Variants in ALS2CL observed in about 807,000 individuals in gnomAD.
The protein encoded by ALS2CL is ALS2 C-terminal like.
Under a neutral mutation model 127.9 loss-of-function variants are expected in ALS2CL, and 112 were observed. That is an observed-to-expected ratio of 0.88 (90% CI 0.75 to 1.02). The LOEUF is 1.02. Among genes scored for constraint, ALS2CL ranks in the 50% least tolerant of loss-of-function variants. ALS2CL has a pLI of 0.00. For synonymous variants in ALS2CL, 519 were observed against 527.6 expected (o/e 0.98, Z 0.22); for missense variants, 1,174 against 1,236.7 (o/e 0.95, Z 0.76).
intron 15 of ALS2CL, 131 bp downstream of exon 15, chr3:46,679,079 C>T: frequency 3.3e-6 from 3 of 901,068 alleles, no homozygotes; most frequent in South Asian, 1.8e-5. Context: ...TTGCTGTGCC[C>T]ACTCCTTGGC....
At position 46,681,720 on chromosome 3, in the gene ALS2CL, A is replaced by G. The variant is rs1349965397; in HGVS notation, c.1176-122T>C. Reference sequence around the variant, plus strand: ...CCTTCCAGACAACAGGGAGACTCTCAGAGGCCCTCAGCCTTCCTATCCTTC... The same window carrying G: ...CCTTCCAGACAACAGGGAGACTCTCGGAGGCCCTCAGCCTTCCTATCCTTC... On this transcript the variant is annotated intron_variant, in intron 11 of 25. Transcript: ENST00000318962. The surrounding 1 kb of genome is among the most constrained non-coding windows in gnomAD (Gnocchi z 4.9). The G allele has an allele frequency of 1.0e-6, 1 of 988,178 alleles. No homozygotes were observed. Among genetic ancestry groups the G allele is most frequent in the East Asian group, 2.5e-5 (1 of 40,116 alleles). 61.2% of individuals were successfully genotyped at this position (988,178 alleles called of 1,614,324 possible).
In ALS2CL at chr3:46,670,219, G is replaced by A. The variant is rs1698283011; in HGVS notation, c.*765C>T. 6.6e-6 allele frequency: 1 copy of A among 152,212 alleles called. No individual in the cohort carries two copies. Among genetic ancestry groups the A allele is most frequent in the Non-Finnish European group, 1.5e-5 (1 of 68,074 alleles). 9.4% of individuals were successfully genotyped at this position (152,212 alleles called of 1,614,324 possible). On this transcript the variant is annotated 3_prime_UTR_variant, in exon 26 of 26. Transcript: ENST00000318962. This position sits in a 1 kb window ranked among gnomAD's most constrained non-coding sequence, Gnocchi z 5.5. ...CTCTTGGTCCCACACTAGAACCACT[G>A]TTTAAATAAAGTCCTCCCCTCCCAA... is the stretch of plus-strand genomic sequence containing the variant.
At chr3:46,675,902 TA>T in intron 19 of ALS2CL, 1 of 1,433,362 alleles carries the variant, frequency 7.0e-7, no homozygotes, top group Non-Finnish European at 9.1e-7. Context: ...CTAAGGCTTC[TA>T]TTTGCAGTGT....
intron 24 of ALS2CL, 106 bp from the exon 25 acceptor site, chr3:46,671,690 G>T: frequency 6.3e-7 from 1 of 1,579,084 alleles, no homozygotes; most frequent in African/African-American, 1.4e-5. Context: ...TGGACACCTG[G>T]GGTGTGGTCC....
In ALS2CL at chr3:46,681,587, C is replaced by A. The variant is rs751060821; in HGVS notation, c.1187G>T (p.Arg396Leu). The part of the protein sequence containing the change: ...CQGLEHGFGI[R>L]LLPQASEDKF... ...GTCCTCAGAGGCCTGGGGCAGCAGG[C>A]GGATGCCGAAGCTGACAGCATGGTT... The change falls in exon 12 of 26, where the codon CGC (arginine) becomes CTC (leucine). Residue 396 changes from arginine (R) to leucine (L), a missense_variant. Physicochemically the swap from Arg to Leu is moderately radical, Grantham distance 102. Transcript: ENST00000318962. This position sits in a 1 kb window ranked among gnomAD's most constrained non-coding sequence, Gnocchi z 4.9. 9 of 1,613,960 alleles carry A rather than the reference C, an allele frequency of 5.6e-6. No individual in the cohort carries two copies. The highest frequency in any genetic ancestry group is 5.5e-5 in the South Asian group (5 of 91,084).
intron 25 of ALS2CL, 85 bp downstream of exon 25, chr3:46,671,403 T>C (rs1575402330): frequency 1.3e-6 from 2 of 1,575,192 alleles, no homozygotes; most frequent in Non-Finnish European, 1.7e-6. Flanking sequence ...CCTCCCACTA[T>C]GGTGTTATGA....
At position 46,675,917 on chromosome 3, in the gene ALS2CL, A is replaced by C; in HGVS notation, c.2187-231T>G. On this transcript the variant is annotated intron_variant, in intron 19 of 25. Coordinates refer to ENST00000318962, the MANE Select transcript of ALS2CL (RefSeq NM_147129.5). ...CTAAGGCTTCTATTTGCAGTGTTTC[A>C]TGGGGTCACAGCCCAGCCTGGGACT... is the stretch of plus-strand genomic sequence containing the variant. 3.5e-6 allele frequency: 5 copies of C among 1,429,638 alleles called. No individual in the cohort carries two copies. The African/African-American group carries it at 4.3e-5, about 12-fold the overall frequency. The allele number at this position is 1,429,638 out of a possible 1,614,324, so 88.6% of individuals were successfully genotyped here. A position where few individuals can be genotyped will look rare whatever the true frequency, so the allele number is the denominator to read the frequency against.
chr3:46,674,144 A>C (rs1229516940), intron 21 of ALS2CL, among the ~76,000 whole-genome samples: 1 of 152,156 alleles, frequency 6.6e-6, no homozygotes, highest in African/African-American at 2.4e-5. Flanking sequence ...ATCTTGCCCC[A>C]GCCTCAGCAG....
At chr3:46,673,180 C>T (rs1698543629) in intron 22 of ALS2CL, among the ~76,000 whole-genome samples, 159 bp downstream of exon 22, 1 of 152,152 alleles carries the variant, frequency 6.6e-6, no homozygotes, top group African/African-American at 2.4e-5. Flanking sequence ...CTTACCTCCA[C>T]CACACTGGGA....
chr3:46,687,540 G>A, intron 4 of ALS2CL, 79 bp downstream of exon 4: 1 of 1,510,956 alleles, frequency 6.6e-7, no homozygotes, highest in Non-Finnish European at 9.1e-7. Flanking sequence ...TGCTGCTCTG[G>A]GGAGGGGGCT....
At chr3:46,680,624 G>A (rs1408262869) in intron 13 of ALS2CL, 83 bp from the exon 14 acceptor site, 1 of 1,278,550 alleles carries the variant, frequency 7.8e-7, no homozygotes, top group Non-Finnish European at 1.1e-6. Flanking sequence ...CGGGGCGGCA[G>A]GGAGTGCAGA....
Position 46,681,437 on chromosome 3 carries a change from C to A in ALS2CL, c.1275-30G>T, listed in dbSNP as rs780939113. 1.4e-5 allele frequency: 22 copies of A among 1,610,016 alleles called. No individual in the cohort carries two copies. In the Admixed American group the frequency reaches 3.3e-4, roughly 24 times the overall value. On this transcript the variant is annotated intron_variant, in intron 12 of 25. Transcript: ENST00000318962. This position sits in a 1 kb window ranked among gnomAD's most constrained non-coding sequence, Gnocchi z 4.9. ...GGAGGGCCATCAACAACGAGCTCTG[C>A]CTCATGGAGCTCAGCCCAGAGGATG...
chr3:46,688,556 A>T (rs1699957308), intron 2 of ALS2CL, among the ~76,000 whole-genome samples: 1 of 152,112 alleles, frequency 6.6e-6, no homozygotes, highest in Admixed American at 6.5e-5. Flanking sequence ...AACAGGGACA[A>T]CCCTGACAGC....
At chr3:46,676,531 A>G (rs1698836843) in intron 18 of ALS2CL, 111 bp downstream of exon 18, 1 of 1,531,346 alleles carries the variant, frequency 6.5e-7, no homozygotes, top group Non-Finnish European at 8.9e-7. Flanking sequence ...AGGACAAGGG[A>G]TCCACAGGCC....
At chr3:46,673,929 G>A (rs572800719) in intron 21 of ALS2CL, among the ~76,000 whole-genome samples, 2 of 152,322 alleles carry the variant, frequency 1.3e-5, no homozygotes, top group African/African-American at 2.4e-5. Context: ...GACAGTGCCC[G>A]TGCCCTCTAC....
intron 15 of ALS2CL, among the ~76,000 whole-genome samples, chr3:46,678,685 C>A (rs944648719): frequency 3.3e-5 from 5 of 152,208 alleles, no homozygotes; most frequent in Admixed American, 1.3e-4. Flanking sequence ...CACTGAGGGG[C>A]TGGGGTGGGG....
chr3:46,687,769 C>A (rs1347453239), intron 3 of ALS2CL, 85 bp from the exon 4 acceptor site: 3 of 1,389,812 alleles, frequency 2.2e-6, no homozygotes, highest in Non-Finnish European at 2.9e-6. Context: ...CCAGATCCCA[C>A]CCACTAGTCA....
At position 46,687,160 on chromosome 3, in the gene ALS2CL, G is replaced by C; in HGVS notation, c.369-12C>G. 3 of 1,545,642 alleles carry C rather than the reference G, an allele frequency of 1.9e-6. No homozygotes were observed. The highest frequency in any genetic ancestry group is 2.6e-6 in the Non-Finnish European group (3 of 1,151,618). ...CCCGCCAGTACTCGCTGCGTGTAGAGAGGGCCACGCACCACCTTCACCCCT... is the reference window on the plus strand; with the variant it reads ...CCCGCCAGTACTCGCTGCGTGTAGACAGGGCCACGCACCACCTTCACCCCT... On this transcript the variant is annotated splice_polypyrimidine_tract_variant and intron_variant, in intron 4 of 25. Coordinates refer to ENST00000318962, the MANE Select transcript of ALS2CL (RefSeq NM_147129.5).
At chr3:46,671,642 G>C (rs1031900245) in intron 24 of ALS2CL, 58 bp from the exon 25 acceptor site, 4 of 1,611,156 alleles carry the variant, frequency 2.5e-6, no homozygotes, top group Non-Finnish European at 3.4e-6. Context: ...GGCCTGTCGC[G>C]GACAGGCAGC....
Sources: gnomAD v4.1 joint callset for allele counts (sites outside exome capture counted in the v4.1 genomes callset) on GRCh38, gnomAD v4.1.1 for gene constraint, Gnocchi (gnomAD v3.1) non-coding constraint, MANE v1.5 for transcripts, NCBI Gene and HGNC (gene_info 2026-07-23, HGNC 2026-07-21) for gene names.